LEKR1: variants seen among roughly 807,000 people sequenced by gnomAD.
LEKR1 encodes protein LEKR1.
Under a neutral mutation model 72.4 loss-of-function variants are expected in LEKR1, and 59 were observed. The observed-to-expected ratio is 0.82, with a 90% CI of 0.66 to 1.01. The LOEUF is 1.01. Among genes scored for constraint, LEKR1 ranks in the 50% least tolerant of loss-of-function variants. The pLI, the probability that LEKR1 is intolerant of heterozygous loss-of-function variation, is 0.00. For synonymous variants in LEKR1, 257 were observed against 263.2 expected (o/e 0.98, Z 0.23); for missense variants, 728 against 759.2 (o/e 0.96, Z 0.48).
intron 6 of LEKR1, among the ~76,000 whole-genome samples, chr3:156,965,680 T>C (rs1463243862): frequency 6.6e-6 from 1 of 152,170 alleles, no homozygotes; most frequent in Non-Finnish European, 1.5e-5. Context: ...TTGTTTCAAA[T>C]AGATGTAAAT....
chr3:156,996,807 G>A (rs1347093559), intron 9 of LEKR1, among the ~76,000 whole-genome samples: 7 of 152,192 alleles, frequency 4.6e-5, no homozygotes, highest in Admixed American at 4.6e-4. Context: ...GTTCATGCCT[G>A]TGATTCCAGC....
chr3:156,865,762 C>T (rs1717241158), intron 3 of LEKR1, among the ~76,000 whole-genome samples: 1 of 152,012 alleles, frequency 6.6e-6, no homozygotes, highest in African/African-American at 2.4e-5. Flanking sequence ...GACCTCTCAC[C>T]CTTGGTTATC....
chr3:156,979,297 A>G, intron 7 of LEKR1, 22 bp downstream of exon 7: 6 of 1,115,604 alleles, frequency 5.4e-6, no homozygotes, highest in Non-Finnish European at 7.2e-6. Flanking sequence ...AATATTAAAC[A>G]ACTTATAACA....
intron 7 of LEKR1, among the ~76,000 whole-genome samples, chr3:156,984,152 A>G (rs1194943526): frequency 6.6e-6 from 1 of 152,192 alleles, no homozygotes; most frequent in African/African-American, 2.4e-5. Context: ...ATGAATACCA[A>G]TGCACATACA....
chr3:156,995,850 T>A lies in LEKR1; in HGVS notation c.1109+2573T>A, dbSNP rs150762591. Among the ~76,000 whole-genome samples, 594 of 152,186 alleles carry A rather than the reference T, an allele frequency of 3.9e-3. 2 individuals are homozygous for A. Among genetic ancestry groups the A allele is most frequent in the African/African-American group, 0.013 (532 of 41,526 alleles). On this transcript the variant is annotated intron_variant, in intron 9 of 12. Transcript: ENST00000356539. ...TCTCAAAATAAATAAATAAATAAAT[T>A]TTTTAAAAATGTCCTTGTAGACCAG...
At chr3:156,938,166 AGT>A (rs1444670450) in intron 5 of LEKR1, among the ~76,000 whole-genome samples, 1 of 151,836 alleles carries the variant, frequency 6.6e-6, no homozygotes, top group Non-Finnish European at 1.5e-5. Context: ...CACACACATG[AGT>A]GTGTATACAA....
intron 3 of LEKR1, chr3:156,888,576 A>G (rs1720341780): frequency 3.9e-6 from 2 of 516,598 alleles, no homozygotes; most frequent in Non-Finnish European, 7.0e-6. Context: ...AGCTGCTTAT[A>G]TGAAGAAAGA....
chr3:156,839,259 A>C (rs925614548), intron 2 of LEKR1, among the ~76,000 whole-genome samples: 1 of 152,192 alleles, frequency 6.6e-6, no homozygotes, highest in Non-Finnish European at 1.5e-5. Flanking sequence ...CTTTTTCTAG[A>C]CTGAGTCCAT....
intron 1 of LEKR1, among the ~76,000 whole-genome samples, chr3:156,828,799 A>G (rs1711988838): frequency 6.6e-6 from 1 of 152,198 alleles, no homozygotes; most frequent in Non-Finnish European, 1.5e-5. Flanking sequence ...GTGTTTGCAT[A>G]TCATATTTAA....
In LEKR1 at chr3:156,865,144, G is replaced by A. The variant is rs1178667033; in HGVS notation, c.263+12162G>A. The stretch of plus-strand genomic sequence containing the variant: ...TCCTCTTTCTACTTGTGTTCTACCT[G>A]CTACTCTTGTGTTCCTAACTTTAGC... On this transcript the variant is annotated intron_variant, in intron 3 of 12. Coordinates refer to ENST00000356539, the MANE Select transcript of LEKR1 (RefSeq NM_001004316.3). Among the ~76,000 whole-genome samples the A allele has an allele frequency of 2.0e-5, 3 of 152,034 alleles. No homozygotes were observed. The East Asian group carries it at 5.8e-4, about 29-fold the overall frequency.
At chr3:157,021,899 TATTG>T (rs984131268) in intron 10 of LEKR1, among the ~76,000 whole-genome samples, 30 of 152,102 alleles carry the variant, frequency 2.0e-4, no homozygotes, top group Non-Finnish European at 3.4e-4. Context: ...AATGGAATGT[TATTG>T]ATTATTAACT....
At chr3:156,929,709 T>C (rs1013782809) in intron 5 of LEKR1, among the ~76,000 whole-genome samples, 1 of 152,180 alleles carries the variant, frequency 6.6e-6, no homozygotes, top group Non-Finnish European at 1.5e-5. Context: ...TTAAAGGGAC[T>C]GTTTTCATCC....
intron 5 of LEKR1, among the ~76,000 whole-genome samples, chr3:156,934,050 C>T (rs1196673924): frequency 6.6e-6 from 1 of 152,216 alleles, no homozygotes; most frequent in Non-Finnish European, 1.5e-5. Flanking sequence ...TCAAATGTCA[C>T]CTCCTCAGAA....
chr3:156,906,253 TAAG>T (rs1012493357), intron 3 of LEKR1, among the ~76,000 whole-genome samples: 1 of 152,182 alleles, frequency 6.6e-6, no homozygotes, highest in East Asian at 1.9e-4. Flanking sequence ...TGAAAATAAT[TAAG>T]AAGGGACTAT....
intron 5 of LEKR1, among the ~76,000 whole-genome samples, chr3:156,940,988 G>C (rs539835272): frequency 6.6e-5 from 10 of 152,140 alleles, no homozygotes; most frequent in African/African-American, 2.2e-4. Context: ...AAAATACCCA[G>C]AAAGACTTTT....
chr3:156,858,997 T>C (rs1195160702), intron 3 of LEKR1, among the ~76,000 whole-genome samples: 3 of 152,202 alleles, frequency 2.0e-5, no homozygotes, highest in Non-Finnish European at 4.4e-5. Context: ...TGTCTATTTT[T>C]ATTCCAGGTT....
intron 7 of LEKR1, among the ~76,000 whole-genome samples, chr3:156,990,981 T>G (rs1443616341): frequency 6.6e-6 from 1 of 152,186 alleles, no homozygotes; most frequent in African/African-American, 2.4e-5. Context: ...TGTATCAAAT[T>G]ATACACTTTA....
At chr3:156,877,998 G>C (rs966357882) in intron 3 of LEKR1, among the ~76,000 whole-genome samples, 1 of 152,004 alleles carries the variant, frequency 6.6e-6, no homozygotes, top group African/African-American at 2.4e-5. Flanking sequence ...GGTCAGGCTG[G>C]TCTCGAACTC....
intron 3 of LEKR1, among the ~76,000 whole-genome samples, chr3:156,917,649 A>G (rs1193534999): frequency 6.6e-6 from 1 of 152,152 alleles, no homozygotes; most frequent in East Asian, 1.9e-4. Flanking sequence ...GTGATTTTCT[A>G]TTCAGCCAAA....
Sources: allele counts gnomAD v4.1 joint callset (sites outside exome capture counted in the v4.1 genomes callset), GRCh38; gene constraint gnomAD v4.1.1; transcripts MANE v1.5; gene names NCBI Gene and HGNC (gene_info 2026-07-23, HGNC 2026-07-21).